The following DDX52 variants were observed in gnomAD, a reference collection of about 807,000 sequenced individuals.
DDX52 encodes the protein probable ATP-dependent RNA helicase DDX52.
Under a neutral mutation model 76.1 loss-of-function variants are expected in DDX52, and 59 were observed. That is an observed-to-expected ratio of 0.78 (90% CI 0.63 to 0.96). DDX52 has a LOEUF of 0.96. Among genes scored for constraint, DDX52 ranks in the 40% least tolerant of loss-of-function variants. The pLI is 0.00. For synonymous variants in DDX52, 231 were observed against 244.1 expected (o/e 0.95, Z 0.50); for missense variants, 707 against 703.9 (o/e 1.00, Z -0.05).
In DDX52 at chr17:37,642,311, A is replaced by G. The variant is rs1461345227; in HGVS notation, c.88-3T>C. 6.2e-7 allele frequency: 1 copy of G among 1,610,824 alleles called. No homozygotes were observed. The highest frequency in any genetic ancestry group is 8.5e-7 in the Non-Finnish European group (1 of 1,178,332). On this transcript the variant is annotated splice_polypyrimidine_tract_variant and splice_region_variant and intron_variant, in intron 1 of 14. Coordinates refer to ENST00000617633, the MANE Select transcript of DDX52 (RefSeq NM_007010.5). ...AAGTCATATTTCCTTTTTCCTATCT[A>G]AAACCCAAAAAATGTAAAATGAAAC...
chr17:37,621,706 A>C (rs890035227), intron 9 of DDX52, among the ~76,000 whole-genome samples, 186 bp from the exon 10 acceptor site: 7 of 152,046 alleles, frequency 4.6e-5, no homozygotes, highest in African/African-American at 1.7e-4. Context: ...GGTTATTTCC[A>C]CTCAACTTGA....
rs1418953457 is a variant in DDX52 at position 37,621,260 on chromosome 17, G to A, written c.1368C>T (p.His456=). Residue 456 remains histidine (H), a synonymous_variant, in exon 11 of 15, where the codon CAC becomes CAT. Transcript: ENST00000617633. ...RTQQQRDNTV[H]SFRAGKIWVL... is the part of the protein sequence containing the mutation. ...CCCAGATTTTTCCTGCTCTGAAACT[G>A]TGGACTGTGTTATCTCTCTGGTTAA... is the stretch of plus-strand genomic sequence containing the variant. 2 of 1,612,422 alleles carry A rather than the reference G, an allele frequency of 1.2e-6. No individual in the cohort carries two copies. The highest frequency in any genetic ancestry group is 8.5e-7 in the Non-Finnish European group (1 of 1,179,474).
Position 37,613,371 on chromosome 17 carries a change from T to C in DDX52, c.*925A>G, listed in dbSNP as rs1032099055. On this transcript the variant is annotated 3_prime_UTR_variant, in exon 15 of 15. Transcript: ENST00000617633. The stretch of plus-strand genomic sequence containing the variant: ...CTGTAAGAGAATGAAGACAGAGGTA[T>C]ATCAAGTAACAAGAACATTCTTCCT... The C allele has an allele frequency of 6.6e-6, 1 of 152,206 alleles. No homozygotes were observed. The highest frequency in any genetic ancestry group is 1.5e-5 in the Non-Finnish European group (1 of 68,038). The allele number at this position is 152,206 out of a possible 1,614,324, so 9.4% of individuals were successfully genotyped here.
In DDX52 at chr17:37,619,780, T is replaced by TA; in HGVS notation, c.1636_1637insT (p.Gln546LeufsTer13). On this transcript the variant is annotated frameshift_variant, in exon 13 of 15. Transcript: ENST00000617633. LOFTEE classifies it high-confidence loss of function. ...TTCAAGATTGTACCTTAGTAGTTTC[T>TA]GAAAACCTTTTATGTATTCTGGTAC... The TA allele has an allele frequency of 6.2e-7, 1 of 1,613,624 alleles. No homozygotes were observed.
chr17:37,619,740 A>G (rs2029980659), intron 13 of DDX52, 28 bp downstream of exon 13: 1 of 1,590,416 alleles, frequency 6.3e-7, no homozygotes, highest in African/African-American at 1.4e-5. Flanking sequence ...AGAGACAGAC[A>G]AAGATACAGG....
At chr17:37,617,862 C>T (rs902738200) in intron 14 of DDX52, among the ~76,000 whole-genome samples, 27 of 152,184 alleles carry the variant, frequency 1.8e-4, no homozygotes, top group South Asian at 2.1e-4. Flanking sequence ...TGGTGGCTCA[C>T]GCCTGTAATC....
At chr17:37,635,439 G>T (rs1020408184) in intron 2 of DDX52, 32 of 332,242 alleles carry the variant, frequency 9.6e-5, no homozygotes, top group African/African-American at 6.5e-4. Context: ...GCCTTTTCTG[G>T]AATTTTATAT....
rs1231412410 is a variant in DDX52 at position 37,612,422 on chromosome 17, GT to G, written c.*1873del. 1.3e-5 allele frequency: 2 copies of G among 152,124 alleles called. No individual in the cohort carries two copies. Among genetic ancestry groups the G allele is most frequent in the Admixed American group, 1.3e-4 (2 of 15,268 alleles). The allele number at this position is 152,124 out of a possible 1,614,324, so 9.4% of individuals were successfully genotyped here. On this transcript the variant is annotated 3_prime_UTR_variant, in exon 15 of 15. Coordinates refer to ENST00000617633, the MANE Select transcript of DDX52 (RefSeq NM_007010.5). ...ATTTAGTATAGGTTAAGTGTGCAGTGTTTATACAAGTCTACATGTTCCAACT... is the reference window on the plus strand; with the variant it reads ...ATTTAGTATAGGTTAAGTGTGCAGTGTTATACAAGTCTACATGTTCCAACT...
At position 37,633,426 on chromosome 17, in the gene DDX52, A is replaced by G; in HGVS notation, c.287-8T>C. ...CTTCTTGGGAAGCAATTTCTAAAAT[A>G]TATTTTTAAAAAGTAAAAGATTTTA... is the stretch of plus-strand genomic sequence containing the variant. On this transcript the variant is annotated splice_region_variant and splice_polypyrimidine_tract_variant and intron_variant, in intron 2 of 14. Transcript: ENST00000617633. 6.5e-7 allele frequency: 1 copy of G among 1,548,854 alleles called. No homozygotes were observed. Among genetic ancestry groups the G allele is most frequent in the East Asian group, 2.3e-5 (1 of 43,320 alleles).
intron 2 of DDX52, chr17:37,635,541 A>T: frequency 2.2e-6 from 1 of 451,116 alleles, no homozygotes; most frequent in Non-Finnish European, 4.4e-6. Context: ...ACCATGTATC[A>T]ACAACTTACC....
chr17:37,627,667 A>T (rs2030455756), intron 6 of DDX52, among the ~76,000 whole-genome samples: 2 of 151,948 alleles, frequency 1.3e-5, no homozygotes, highest in Non-Finnish European at 2.9e-5. Flanking sequence ...AACAAAACAG[A>T]TGAAAGCTTA....
In DDX52 at chr17:37,618,284, A is replaced by T. The variant is rs781215263; in HGVS notation, c.1742+8T>A. The T allele has an allele frequency of 6.3e-7, 1 of 1,589,500 alleles. No homozygotes were observed. Among genetic ancestry groups the T allele is most frequent in the East Asian group, 2.3e-5 (1 of 43,836 alleles). ...GTCAAACAGCCATTTTTCTTACCACATACTTACTGTTTATCCTTAGCTTTT... is the reference window on the plus strand; with the variant it reads ...GTCAAACAGCCATTTTTCTTACCACTTACTTACTGTTTATCCTTAGCTTTT... On this transcript the variant is annotated splice_region_variant and intron_variant, in intron 14 of 14. Coordinates refer to ENST00000617633, the MANE Select transcript of DDX52 (RefSeq NM_007010.5).
chr17:37,639,443 T>TA, intron 2 of DDX52: 1 of 993,982 alleles, frequency 1.0e-6, no homozygotes, highest in Non-Finnish European at 1.2e-6. Context: ...CAGTTAAAAA[T>TA]AGATACATGC....
At position 37,610,336 on chromosome 17, in the gene DDX52, T is replaced by C. The variant is rs186101188; in HGVS notation, c.*3960A>G. On this transcript the variant is annotated 3_prime_UTR_variant, in exon 15 of 15. Coordinates refer to ENST00000617633, the MANE Select transcript of DDX52 (RefSeq NM_007010.5). Reference sequence around the variant, plus strand: ...TTTTTTTTTGTAGAGATAGGATCTATGTTGCCCAGGCTAGTTTCAAACTGC... The same window carrying C: ...TTTTTTTTTGTAGAGATAGGATCTACGTTGCCCAGGCTAGTTTCAAACTGC... The C allele has an allele frequency of 2.1e-5, 3 of 144,470 alleles. No homozygotes were observed. The highest frequency in any genetic ancestry group is 7.8e-5 in the African/African-American group (3 of 38,508). 8.9% of individuals were successfully genotyped at this position (144,470 alleles called of 1,614,324 possible). A position where few individuals can be genotyped will look rare whatever the true frequency, so the allele number is the denominator to read the frequency against.
At chr17:37,620,836 T>A in intron 12 of DDX52, 37 bp downstream of exon 12, 1 of 1,556,480 alleles carries the variant, frequency 6.4e-7, no homozygotes, top group Non-Finnish European at 8.7e-7. Context: ...AATGAAGCAA[T>A]TTTGCCAATA....
intron 2 of DDX52, among the ~76,000 whole-genome samples, chr17:37,636,953 T>G (rs2030956579): frequency 6.6e-6 from 1 of 152,114 alleles, no homozygotes; most frequent in South Asian, 2.1e-4. Context: ...ATATATATGG[T>G]TTGGCTTACA....
intron 2 of DDX52, among the ~76,000 whole-genome samples, chr17:37,641,735 CAA>C (rs34083749): frequency 7.2e-6 from 1 of 139,426 alleles, no homozygotes; most frequent in Admixed American, 7.2e-5. Context: ...GACTCTGTCT[CAA>C]AAAAAAAAAG....
At position 37,613,965 on chromosome 17, in the gene DDX52, TAA is replaced by T. The variant is rs956462824; in HGVS notation, c.*329_*330del. ...ATGTTATTTCCATTGTATAATCATTTAAAAGTCACCTACAGAGCTGGGTGCAG... is the reference window on the plus strand; with the variant it reads ...ATGTTATTTCCATTGTATAATCATTTAAGTCACCTACAGAGCTGGGTGCAG... On this transcript the variant is annotated 3_prime_UTR_variant, in exon 15 of 15. Coordinates refer to ENST00000617633, the MANE Select transcript of DDX52 (RefSeq NM_007010.5). 3 of 228,086 alleles carry T rather than the reference TAA, an allele frequency of 1.3e-5. No homozygotes were observed. Among genetic ancestry groups the T allele is most frequent in the African/African-American group, 6.8e-5 (3 of 44,262 alleles). 14.1% of individuals were successfully genotyped at this position (228,086 alleles called of 1,614,324 possible).
chr17:37,624,539 T>A lies in DDX52; in HGVS notation c.1137-105A>T, dbSNP rs532716183. On this transcript the variant is annotated intron_variant, in intron 8 of 14. Coordinates refer to ENST00000617633, the MANE Select transcript of DDX52 (RefSeq NM_007010.5). ...TACACACAACTCCAACAAAATCAAT[T>A]TTTCCACTGTCAATATTAATAAGTA... The A allele has an allele frequency of 2.3e-5, 17 of 728,194 alleles. No homozygotes were observed. In the African/African-American group the frequency reaches 3.0e-4, roughly 13 times the overall value. 45.1% of individuals were successfully genotyped at this position (728,194 alleles called of 1,614,324 possible).
Sources: allele counts gnomAD v4.1 joint callset (sites outside exome capture counted in the v4.1 genomes callset), GRCh38; gene constraint gnomAD v4.1.1; transcripts MANE v1.5; gene names NCBI Gene and HGNC (gene_info 2026-07-23, HGNC 2026-07-21).